CSTPP1: variants seen among roughly 807,000 people sequenced by gnomAD.
CSTPP1 encodes UPF0705 protein C11orf49.
At chr11:47,138,220 G>A in the CSTPP1 span, among the ~76,000 whole-genome samples, 1 of 152,204 alleles carries the variant, frequency 6.6e-6, no homozygotes, top group African/African-American at 2.4e-5. Context: ...GGTGGTAGGA[G>A]AGAGAAGTAC....
the CSTPP1 span, among the ~76,000 whole-genome samples, chr11:47,030,249 A>G: frequency 6.6e-6 from 1 of 152,224 alleles, no homozygotes; most frequent in Admixed American, 6.5e-5. Flanking sequence ...GAGACAGGAG[A>G]ATGGCCTAGG....
At chr11:47,126,706 T>C in the CSTPP1 span, among the ~76,000 whole-genome samples, 1 of 151,404 alleles carries the variant, frequency 6.6e-6, no homozygotes, top group Non-Finnish European at 1.5e-5. Context: ...CCGAGGCAGG[T>C]GGATTACTTG....
the CSTPP1 span, among the ~76,000 whole-genome samples, chr11:46,979,623 TAA>T: frequency 1.4e-5 from 2 of 145,452 alleles, no homozygotes; most frequent in Non-Finnish European, 1.5e-5. Flanking sequence ...AAAATCTCCT[TAA>T]AAAAAAAAAG....
chr11:47,108,491 G>A, the CSTPP1 span, among the ~76,000 whole-genome samples: 106 of 152,252 alleles, frequency 7.0e-4, no homozygotes, highest in Non-Finnish European at 9.4e-4. Context: ...TAAATAGTGA[G>A]AAGGGACAGG....
At chr11:46,939,653 T>C in the CSTPP1 span, among the ~76,000 whole-genome samples, 3 of 133,380 alleles carry the variant, frequency 2.2e-5, no homozygotes. Flanking sequence ...GATAGATAGA[T>C]AGATAGATAG....
chr11:46,946,005 T>A, the CSTPP1 span, among the ~76,000 whole-genome samples: 1 of 152,202 alleles, frequency 6.6e-6, no homozygotes, highest in Admixed American at 6.5e-5. Context: ...TCCTGGAAGG[T>A]CGATCTAGAT....
the CSTPP1 span, among the ~76,000 whole-genome samples, chr11:47,072,934 CATG>C: frequency 1.3e-5 from 2 of 152,040 alleles, no homozygotes; most frequent in African/African-American, 4.8e-5. Context: ...GTGAGAACAG[CATG>C]ATGGTAGAGT....
At chr11:46,978,754 C>T in the CSTPP1 span, among the ~76,000 whole-genome samples, 1 of 152,170 alleles carries the variant, frequency 6.6e-6, no homozygotes, top group African/African-American at 2.4e-5. Flanking sequence ...GGGGATTTCA[C>T]ATGTGAGACT....
chr11:47,061,217 A>G, the CSTPP1 span, among the ~76,000 whole-genome samples: 1 of 152,202 alleles, frequency 6.6e-6, no homozygotes, highest in Admixed American at 6.5e-5. Flanking sequence ...GGACAGACAG[A>G]AATTTTTATT....
chr11:47,060,339 G>A, the CSTPP1 span, among the ~76,000 whole-genome samples: 1 of 141,354 alleles, frequency 7.1e-6, no homozygotes, highest in African/African-American at 2.7e-5. Flanking sequence ...CCGGGCCCAA[G>A]CAATCCTCCC....
At chr11:47,036,230 A>ATTATATATTATATTAATATATAATAT in the CSTPP1 span, among the ~76,000 whole-genome samples, 3 of 43,866 alleles carry the variant, frequency 6.8e-5, no homozygotes, top group Non-Finnish European at 1.7e-4. Flanking sequence ...TAATATATAT[A>ATTATATATTATATTAATATATAATAT]ATATATTATA....
the CSTPP1 span, among the ~76,000 whole-genome samples, chr11:46,942,825 T>C: frequency 6.6e-6 from 1 of 152,222 alleles, no homozygotes; most frequent in African/African-American, 2.4e-5. Context: ...CTAATTGATT[T>C]GCACAAGGTC....
chr11:47,101,074 C>T, the CSTPP1 span, among the ~76,000 whole-genome samples: 44 of 149,490 alleles, frequency 2.9e-4, no homozygotes, highest in African/African-American at 9.6e-4. Flanking sequence ...TCTTGGCTCG[C>T]TGCAACTTCC....
the CSTPP1 span, among the ~76,000 whole-genome samples, chr11:47,009,244 T>C: frequency 6.6e-6 from 1 of 152,174 alleles, no homozygotes; most frequent in East Asian, 1.9e-4. Flanking sequence ...TAATAATTTA[T>C]CCATTTTTTT....
chr11:47,129,811 T>A, the CSTPP1 span, among the ~76,000 whole-genome samples: 1 of 152,206 alleles, frequency 6.6e-6, no homozygotes, highest in African/African-American at 2.4e-5. Context: ...ATATAAACAG[T>A]TCCTGGAGAG....
At chr11:46,977,184 C>T in the CSTPP1 span, among the ~76,000 whole-genome samples, 1 of 152,224 alleles carries the variant, frequency 6.6e-6, no homozygotes, top group Non-Finnish European at 1.5e-5. Context: ...GTTATCAGTG[C>T]TGGGGCCAGC....
chr11:47,102,807 A>T, the CSTPP1 span, among the ~76,000 whole-genome samples: 1 of 152,242 alleles, frequency 6.6e-6, no homozygotes, highest in East Asian at 1.9e-4. Flanking sequence ...AATGAAATGT[A>T]TACCCTAAGG....
the CSTPP1 span, among the ~76,000 whole-genome samples, chr11:47,119,059 C>T: frequency 2.0e-5 from 3 of 152,368 alleles, no homozygotes; most frequent in South Asian, 6.2e-4. Context: ...ATGCCCTGCC[C>T]ACAGAGGTGG....
the CSTPP1 span, among the ~76,000 whole-genome samples, chr11:47,131,845 T>C: frequency 6.6e-6 from 1 of 151,942 alleles, no homozygotes; most frequent in East Asian, 1.9e-4. Context: ...GGCGTAGTGA[T>C]GCATGTCTGT....
Sources: gnomAD v4.1 joint callset for allele counts (sites outside exome capture counted in the v4.1 genomes callset) on GRCh38, gnomAD v4.1.1 for gene constraint, MANE v1.5 for transcripts, NCBI Gene and HGNC (gene_info 2026-07-23, HGNC 2026-07-21) for gene names.